Variants in ZBTB20 observed in about 807,000 individuals in gnomAD.
ZBTB20 encodes the protein zinc finger and BTB domain containing 20.
ZBTB20 carries 9 observed loss-of-function variants against 56.9 expected under a neutral mutation model. The observed-to-expected ratio is 0.16, with a 90% CI of 0.10 to 0.28. The LOEUF is 0.28. Ranked by LOEUF, ZBTB20 falls within the 10% of genes least tolerant of loss-of-function variation. The pLI is 1.00. For synonymous variants in ZBTB20, 417 were observed against 420.7 expected (o/e 0.99, Z 0.11); for missense variants, 655 against 1,003.0 (o/e 0.65, Z 4.69).
chr3:114,949,259 C>CA (rs1231562149), intron 3 of ZBTB20, among the ~76,000 whole-genome samples: 5 of 145,798 alleles, frequency 3.4e-5, no homozygotes, highest in Non-Finnish European at 7.4e-5. Context: ...ACACCTAACA[C>CA]AAAAAAATGA....
intron 3 of ZBTB20, among the ~76,000 whole-genome samples, chr3:114,925,741 T>C (rs1392012936): frequency 6.6e-6 from 1 of 152,128 alleles, no homozygotes; most frequent in Non-Finnish European, 1.5e-5. Context: ...TTAGCCAGGA[T>C]GATCTCAATC....
intron 6 of ZBTB20, among the ~76,000 whole-genome samples, chr3:114,616,963 CCTCT>C (rs1254316140): frequency 2.0e-5 from 3 of 152,188 alleles, no homozygotes; most frequent in Non-Finnish European, 2.9e-5. Flanking sequence ...CATATCTCCT[CCTCT>C]CTGTCTATTC....
At chr3:114,341,667 T>C (rs1181622333) in intron 11 of ZBTB20, among the ~76,000 whole-genome samples, 1 of 152,228 alleles carries the variant, frequency 6.6e-6, no homozygotes, top group Admixed American at 6.5e-5. Context: ...ATAGCATATA[T>C]AGGTATGTTG....
intron 7 of ZBTB20, among the ~76,000 whole-genome samples, chr3:114,462,742 A>G (rs1258791997): frequency 6.6e-6 from 1 of 152,192 alleles, no homozygotes; most frequent in African/African-American, 2.4e-5. Flanking sequence ...GATTAGACAC[A>G]ACTATGATTT....
intron 6 of ZBTB20, among the ~76,000 whole-genome samples, chr3:114,595,258 AC>A (rs2056211749): frequency 6.6e-6 from 1 of 152,236 alleles, no homozygotes; most frequent in Non-Finnish European, 1.5e-5. Context: ...TCTGGAGGCC[AC>A]ATTTATAGCT....
At chr3:114,515,947 C>T (rs914081384) in intron 6 of ZBTB20, among the ~76,000 whole-genome samples, 6 of 152,070 alleles carry the variant, frequency 3.9e-5, no homozygotes, top group South Asian at 2.1e-4. Context: ...CCTAAGCTCC[C>T]GTTTATTCCT....
At chr3:115,082,361 C>A (rs1053869493) in intron 1 of ZBTB20, among the ~76,000 whole-genome samples, 6 of 152,140 alleles carry the variant, frequency 3.9e-5, no homozygotes, top group African/African-American at 1.4e-4. Context: ...TACTTCTGAG[C>A]GCCTATGCAT....
intron 7 of ZBTB20, among the ~76,000 whole-genome samples, chr3:114,471,858 C>A (rs2040169346): frequency 6.6e-6 from 1 of 151,996 alleles, no homozygotes; most frequent in African/African-American, 2.4e-5. Context: ...TCATTTACAC[C>A]TTGGAGTAAA....
intron 2 of ZBTB20, among the ~76,000 whole-genome samples, chr3:114,998,192 A>C (rs958717870): frequency 4.6e-5 from 7 of 151,760 alleles, no homozygotes; most frequent in African/African-American, 1.7e-4. Flanking sequence ...AACCATGTAC[A>C]TTATGAAAAT....
chr3:115,131,416 T>C (rs2084502621), intron 1 of ZBTB20, among the ~76,000 whole-genome samples: 2 of 152,204 alleles, frequency 1.3e-5, no homozygotes. Context: ...CTCCTGGAAA[T>C]TCTTTCAGAA....
intron 6 of ZBTB20, among the ~76,000 whole-genome samples, chr3:114,552,735 A>AT (rs1276072700): frequency 6.6e-6 from 1 of 152,176 alleles, no homozygotes; most frequent in Non-Finnish European, 1.5e-5. Context: ...TTGTTAAAAA[A>AT]ATATATAAAA....
At chr3:114,588,418 T>A (rs577260340) in intron 6 of ZBTB20, among the ~76,000 whole-genome samples, 1 of 152,346 alleles carries the variant, frequency 6.6e-6, no homozygotes, top group African/African-American at 2.4e-5. Flanking sequence ...ATGTGTGGAA[T>A]GGCTCCTTTC....
At chr3:114,560,042 T>C (rs1303075920) in intron 6 of ZBTB20, among the ~76,000 whole-genome samples, 1 of 152,192 alleles carries the variant, frequency 6.6e-6, no homozygotes, top group Non-Finnish European at 1.5e-5. Flanking sequence ...AATTTTATAT[T>C]TATCAGCATT....
chr3:114,547,689 AC>A (rs1559943111), intron 6 of ZBTB20, among the ~76,000 whole-genome samples: 1 of 152,220 alleles, frequency 6.6e-6, no homozygotes, highest in East Asian at 1.9e-4. Flanking sequence ...CCCTAATGTT[AC>A]ATAACAGCTT....
intron 1 of ZBTB20, among the ~76,000 whole-genome samples, chr3:115,130,923 A>C (rs963920848): frequency 3.3e-5 from 5 of 152,026 alleles, no homozygotes; most frequent in African/African-American, 1.2e-4. Context: ...CACCATGCCC[A>C]GATAATTTTG....
chr3:114,770,264 C>T (rs1029253401), intron 5 of ZBTB20, among the ~76,000 whole-genome samples: 5 of 151,806 alleles, frequency 3.3e-5, no homozygotes, highest in Admixed American at 6.6e-5. Flanking sequence ...CATGGTGAAA[C>T]CCTGTCTGTA....
intron 5 of ZBTB20, among the ~76,000 whole-genome samples, chr3:114,717,023 G>A (rs1204397717): frequency 1.3e-5 from 2 of 152,078 alleles, no homozygotes; most frequent in East Asian, 3.9e-4. Context: ...AACATGGTAG[G>A]AAGAATATTC....
At chr3:115,050,070 T>C (rs984830987) in intron 2 of ZBTB20, among the ~76,000 whole-genome samples, 1 of 152,044 alleles carries the variant, frequency 6.6e-6, no homozygotes, top group African/African-American at 2.4e-5. Flanking sequence ...CCTAGTGTTA[T>C]GGAAATGGTA....
chr3:115,062,812 C>A (rs1420418522), intron 2 of ZBTB20, among the ~76,000 whole-genome samples: 1 of 152,076 alleles, frequency 6.6e-6, no homozygotes, highest in Non-Finnish European at 1.5e-5. Context: ...CAGTTAAAAA[C>A]ATTCCATGAG....
Sources: allele counts gnomAD v4.1 joint callset (sites outside exome capture counted in the v4.1 genomes callset), GRCh38; gene constraint gnomAD v4.1.1; transcripts MANE v1.5; gene names NCBI Gene and HGNC (gene_info 2026-07-23, HGNC 2026-07-21).